GPATCH2: variants seen among roughly 807,000 people sequenced by gnomAD.
The protein encoded by GPATCH2 is G patch domain-containing protein 2.
GPATCH2 carries 51 observed loss-of-function variants against 58.0 expected under a neutral mutation model. That is an observed-to-expected ratio of 0.88 (90% CI 0.70 to 1.11). GPATCH2 has a LOEUF of 1.11. Among genes scored for constraint, GPATCH2 ranks in the 50% most tolerant of loss-of-function variants. The pLI is 0.00. For synonymous variants in GPATCH2, 222 were observed against 218.5 expected (o/e 1.02, Z -0.14); for missense variants, 625 against 652.2 (o/e 0.96, Z 0.45).
chr1:217,498,308 A>T (rs765866908), intron 7 of GPATCH2, 48 bp downstream of exon 7: 1 of 1,409,714 alleles, frequency 7.1e-7, no homozygotes, highest in Non-Finnish European at 1.0e-6. Context: ...ACAGTTAAAT[A>T]CTTGAAAGAG....
intron 9 of GPATCH2, among the ~76,000 whole-genome samples, chr1:217,443,628 C>G (rs1292453783): frequency 6.6e-6 from 1 of 152,032 alleles, no homozygotes; most frequent in Non-Finnish European, 1.5e-5. Flanking sequence ...TCTACTCTTC[C>G]TTCTGTAAGT....
chr1:217,448,392 C>G (rs1659492087), intron 9 of GPATCH2, among the ~76,000 whole-genome samples: 1 of 152,180 alleles, frequency 6.6e-6, no homozygotes, highest in African/African-American at 2.4e-5. Context: ...AAAACATTTT[C>G]TCATACAGCT....
chr1:217,579,404 T>C (rs991530039), intron 5 of GPATCH2, among the ~76,000 whole-genome samples: 1 of 152,080 alleles, frequency 6.6e-6, no homozygotes, highest in African/African-American at 2.4e-5. Context: ...TCTAATAAAT[T>C]TAACTTGCCC....
intron 5 of GPATCH2, among the ~76,000 whole-genome samples, chr1:217,570,199 C>T (rs969127969): frequency 7.2e-5 from 11 of 152,120 alleles, no homozygotes; most frequent in Admixed American, 6.5e-4. Context: ...GCAACCTCCG[C>T]CTCCTGGGTT....
rs148142120 is a variant in GPATCH2, at chr1:217,522,065, T to A, written c.1099-7176A>T. On this transcript the variant is annotated intron_variant, in intron 5 of 9. Transcript: ENST00000366935. ...CTGTTTAGAAATATATACATACACA[T>A]ATAGTTGTATGTATGACATTAGCAA... Among the ~76,000 whole-genome samples the A allele has an allele frequency of 8.2e-3, 1,243 of 152,304 alleles. 17 individuals carry two copies. The highest frequency in any genetic ancestry group is 0.028 in the African/African-American group (1,183 of 41,556).
At chr1:217,626,163 A>C (rs778444219) in intron 1 of GPATCH2, among the ~76,000 whole-genome samples, 1 of 152,210 alleles carries the variant, frequency 6.6e-6, no homozygotes, top group Non-Finnish European at 1.5e-5. Flanking sequence ...TGCAGTGCTA[A>C]AAGTAAGTTA....
intron 9 of GPATCH2, among the ~76,000 whole-genome samples, chr1:217,432,508 T>C (rs1417178484): frequency 1.3e-5 from 2 of 152,216 alleles, no homozygotes; most frequent in African/African-American, 2.4e-5. Flanking sequence ...CTTGGGCTTG[T>C]CCTTGGCCTT....
chr1:217,468,405 G>A (rs1304296960), intron 8 of GPATCH2, among the ~76,000 whole-genome samples: 1 of 152,038 alleles, frequency 6.6e-6, no homozygotes. Context: ...AGTGGAGTAT[G>A]TTAAAAGACA....
At chr1:217,549,592 A>T (rs1665249298) in intron 5 of GPATCH2, among the ~76,000 whole-genome samples, 1 of 152,182 alleles carries the variant, frequency 6.6e-6, no homozygotes, top group Non-Finnish European at 1.5e-5. Context: ...ATTCAAAAGT[A>T]ATGAAATACT....
intron 8 of GPATCH2, among the ~76,000 whole-genome samples, chr1:217,459,888 C>T (rs1253906203): frequency 6.6e-6 from 1 of 152,114 alleles, no homozygotes; most frequent in Non-Finnish European, 1.5e-5. Context: ...ATCTCAGACT[C>T]TAAGCCAAGC....
Position 217,491,932 on chromosome 1 carries a change from A to G in GPATCH2, c.1207-182T>C, listed in dbSNP as rs147173500. On this transcript the variant is annotated intron_variant, in intron 7 of 9. Transcript: ENST00000366935. Reference sequence around the variant, plus strand: ...TAAGTACTACTTTTTCTGGAGTTCAATAGTTCAGGGAGACAAGTTTTTCTT... The same window carrying G: ...TAAGTACTACTTTTTCTGGAGTTCAGTAGTTCAGGGAGACAAGTTTTTCTT... 3.4e-3 allele frequency among the ~76,000 whole-genome samples: 517 copies of G among 150,776 alleles called. 2 individuals carry two copies. The highest frequency in any genetic ancestry group is 0.012 in the African/African-American group (500 of 40,978).
chr1:217,600,216 G>A (rs1668046067), intron 5 of GPATCH2, among the ~76,000 whole-genome samples: 1 of 152,094 alleles, frequency 6.6e-6, no homozygotes, highest in South Asian at 2.1e-4. Flanking sequence ...CAGTGTTTCA[G>A]ATAATTGGGA....
intron 5 of GPATCH2, among the ~76,000 whole-genome samples, chr1:217,579,074 T>C (rs976664581): frequency 9.2e-5 from 14 of 152,174 alleles, no homozygotes; most frequent in African/African-American, 3.1e-4. Flanking sequence ...GTTAAATATT[T>C]CCAATGAGCT....
intron 5 of GPATCH2, among the ~76,000 whole-genome samples, chr1:217,594,490 C>A (rs1160160867): frequency 6.6e-6 from 1 of 151,966 alleles, no homozygotes; most frequent in Admixed American, 6.5e-5. Flanking sequence ...ACTGTAACTT[C>A]ATGTGGTACT....
intron 5 of GPATCH2, among the ~76,000 whole-genome samples, chr1:217,530,578 T>C (rs1664139197): frequency 6.6e-6 from 1 of 152,202 alleles, no homozygotes; most frequent in Admixed American, 6.5e-5. Flanking sequence ...AGAAAAATCA[T>C]GCCATCAAAG....
At chr1:217,611,096 CCCA>C in intron 3 of GPATCH2, 25 bp from the exon 4 acceptor site, 1 of 1,587,204 alleles carries the variant, frequency 6.3e-7, no homozygotes, top group Non-Finnish European at 8.6e-7. Flanking sequence ...GAAACCCCCC[CCCA>C]CCAAAGACTC....
intron 5 of GPATCH2, among the ~76,000 whole-genome samples, chr1:217,601,321 G>A (rs760036396): frequency 3.3e-5 from 5 of 151,840 alleles, no homozygotes; most frequent in African/African-American, 4.8e-5. Flanking sequence ...GATGGACATC[G>A]TAATTAATCT....
At chr1:217,504,832 T>C (rs1309341923) in intron 6 of GPATCH2, among the ~76,000 whole-genome samples, 1 of 152,182 alleles carries the variant, frequency 6.6e-6, no homozygotes, top group Non-Finnish European at 1.5e-5. Context: ...GTTGCCAGAA[T>C]CCAGCATAAT....
At chr1:217,504,426 A>G (rs1415632590) in intron 6 of GPATCH2, among the ~76,000 whole-genome samples, 2 of 152,204 alleles carry the variant, frequency 1.3e-5, no homozygotes, top group African/African-American at 4.8e-5. Flanking sequence ...CTTTATCTTA[A>G]TAATAAATCA....
Sources: allele counts gnomAD v4.1 joint callset (sites outside exome capture counted in the v4.1 genomes callset), GRCh38; gene constraint gnomAD v4.1.1; transcripts MANE v1.5; gene names NCBI Gene and HGNC (gene_info 2026-07-23, HGNC 2026-07-21).